Variants in KCNMA1 observed in about 807,000 individuals in gnomAD.
The protein encoded by KCNMA1 is Calcium-activated potassium channel subunit alpha-1.
In KCNMA1, 29 loss-of-function variants were observed where a neutral mutation model predicts 140.0. The observed-to-expected ratio is 0.21, with a 90% CI of 0.15 to 0.28. The LOEUF (loss-of-function observed/expected upper bound fraction) is 0.28. Ranked by LOEUF, KCNMA1 falls within the 10% of genes least tolerant of loss-of-function variation. The pLI, the probability that KCNMA1 is intolerant of heterozygous loss-of-function variation, is 1.00. For synonymous variants in KCNMA1, 612 were observed against 611.9 expected (o/e 1.00, Z 0.00); for missense variants, 880 against 1,602.2 (o/e 0.55, Z 7.70).
intron 19 of KCNMA1, among the ~76,000 whole-genome samples, chr10:76,994,723 T>G (rs946225119): frequency 1.3e-5 from 2 of 152,240 alleles, no homozygotes; most frequent in Admixed American, 6.5e-5. Flanking sequence ...TTGGCTGCTC[T>G]GTGCTTGCAG....
Position 77,108,683 on chromosome 10 carries a change from G to A in KCNMA1, c.1132-111C>T, listed in dbSNP as rs968746729. 5 of 805,638 alleles carry A rather than the reference G, an allele frequency of 6.2e-6. No homozygotes were observed. The African/African-American group carries it at 8.4e-5, about 14-fold the overall frequency. 49.9% of individuals were successfully genotyped at this position (805,638 alleles called of 1,614,324 possible). On this transcript the variant is annotated intron_variant, in intron 8 of 27. Coordinates refer to ENST00000286628, the MANE Select transcript of KCNMA1 (RefSeq NM_001161352.2). This position sits in a 1 kb window ranked among gnomAD's most constrained non-coding sequence, Gnocchi z 4.6. ...CTGAAAACACAAAAGGATTAGGCCT[G>A]CAAAGGTATATATTGATATGTTGGA... is the stretch of plus-strand genomic sequence containing the variant.
At chr10:77,259,833 C>T (rs777614506) in intron 2 of KCNMA1, among the ~76,000 whole-genome samples, 82 of 152,334 alleles carry the variant, frequency 5.4e-4, no homozygotes, top group Non-Finnish European at 9.0e-4. Flanking sequence ...AATTGCTCTC[C>T]TCTTTCCTTT....
chr10:77,411,002 T>G (rs771064829), intron 1 of KCNMA1, among the ~76,000 whole-genome samples: 72 of 152,206 alleles, frequency 4.7e-4, no homozygotes, highest in Non-Finnish European at 3.2e-4. Flanking sequence ...TGTTTCTTTT[T>G]GTTTTGTTTG....
At chr10:76,980,386 T>C (rs2153227971) in intron 19 of KCNMA1, 1 of 152,292 alleles carries the variant, frequency 6.6e-6, no homozygotes, top group South Asian at 2.1e-4. Flanking sequence ...TACCTCAATG[T>C]CCTACGATCT....
At chr10:77,401,258 G>A (rs1195936504) in intron 2 of KCNMA1, among the ~76,000 whole-genome samples, 10 of 151,846 alleles carry the variant, frequency 6.6e-5, no homozygotes, top group Non-Finnish European at 1.5e-4. Flanking sequence ...CTGGGTCCGT[G>A]CCATTATCCT....
At chr10:77,255,137 T>C (rs570320083) in intron 2 of KCNMA1, among the ~76,000 whole-genome samples, 309 of 152,318 alleles carry the variant, frequency 2.0e-3, no homozygotes, top group Non-Finnish European at 3.0e-3. Flanking sequence ...AACACCCATA[T>C]ACTGTGTGGA....
intron 8 of KCNMA1, among the ~76,000 whole-genome samples, chr10:77,109,189 G>C (rs1377018225): frequency 6.6e-6 from 1 of 152,074 alleles, no homozygotes; most frequent in African/African-American, 2.4e-5. Flanking sequence ...TGGCTGGATG[G>C]GTCTTTTTAT....
At chr10:77,479,835 G>A (rs2098352490) in intron 1 of KCNMA1, among the ~76,000 whole-genome samples, 1 of 152,212 alleles carries the variant, frequency 6.6e-6, no homozygotes, top group Non-Finnish European at 1.5e-5. Flanking sequence ...GCTAGGACAA[G>A]TTGTTTAACC....
At chr10:76,989,879 T>C (rs79917452) in intron 19 of KCNMA1, among the ~76,000 whole-genome samples, 9 of 152,082 alleles carry the variant, frequency 5.9e-5, no homozygotes, top group Non-Finnish European at 1.2e-4. Flanking sequence ...CTATGGGAGA[T>C]GGCAAGCTTC....
At chr10:77,218,511 C>T (rs978566490) in intron 3 of KCNMA1, among the ~76,000 whole-genome samples, 1 of 152,112 alleles carries the variant, frequency 6.6e-6, no homozygotes, top group Non-Finnish European at 1.5e-5. Flanking sequence ...TCCAGCCTGG[C>T]TCCTGCAGGC....
chr10:77,191,034 T>C (rs1011108054), intron 3 of KCNMA1, among the ~76,000 whole-genome samples: 2 of 152,174 alleles, frequency 1.3e-5, no homozygotes, highest in South Asian at 4.1e-4. Context: ...ATAAAAAAGA[T>C]GATATCATAT....
intron 1 of KCNMA1, among the ~76,000 whole-genome samples, chr10:77,437,044 G>A (rs951815589): frequency 1.6e-4 from 24 of 151,714 alleles, no homozygotes; most frequent in African/African-American, 5.3e-4. Flanking sequence ...AAGAGAGCCT[G>A]GAGCCATAAG....
intron 14 of KCNMA1, among the ~76,000 whole-genome samples, chr10:77,063,394 G>A (rs766635232): frequency 1.8e-4 from 27 of 151,842 alleles, no homozygotes; most frequent in African/African-American, 5.6e-4. Flanking sequence ...GCAGTGAGCC[G>A]AGACTGCACC....
At chr10:77,182,073 G>A (rs144320504) in intron 5 of KCNMA1, among the ~76,000 whole-genome samples, 2 of 152,204 alleles carry the variant, frequency 1.3e-5, no homozygotes, top group East Asian at 1.9e-4. Context: ...GATTGCTAGC[G>A]GAAGCCTATC....
intron 25 of KCNMA1, chr10:76,901,155 G>T (rs1352370226): frequency 6.6e-6 from 1 of 151,922 alleles, no homozygotes; most frequent in Non-Finnish European, 1.5e-5. Context: ...TAACTGAAAA[G>T]GGAAAAAATA....
chr10:77,221,058 A>G (rs1335490444), intron 3 of KCNMA1, among the ~76,000 whole-genome samples: 1 of 152,236 alleles, frequency 6.6e-6, no homozygotes, highest in Non-Finnish European at 1.5e-5. Context: ...TTTTAACCTG[A>G]AAAGAAACTG....
At chr10:77,139,688 C>T (rs2098124622) in intron 5 of KCNMA1, among the ~76,000 whole-genome samples, 1 of 152,184 alleles carries the variant, frequency 6.6e-6, no homozygotes, top group African/African-American at 2.4e-5. Context: ...TACATTTAAT[C>T]TATTTGTTTT....
At chr10:76,893,555 C>G (rs1056095877) in intron 25 of KCNMA1, among the ~76,000 whole-genome samples, 1 of 151,944 alleles carries the variant, frequency 6.6e-6, no homozygotes, top group Non-Finnish European at 1.5e-5. Flanking sequence ...GGCTGGCCAA[C>G]GTGGTGAATC....
intron 14 of KCNMA1, among the ~76,000 whole-genome samples, chr10:77,061,532 G>T (rs2095750664): frequency 6.6e-6 from 1 of 152,184 alleles, no homozygotes; most frequent in African/African-American, 2.4e-5. Flanking sequence ...CGGAGCTACA[G>T]AAACTCCTGC....
Sources: allele counts gnomAD v4.1 joint callset (sites outside exome capture counted in the v4.1 genomes callset), GRCh38; gene constraint gnomAD v4.1.1; non-coding constraint Gnocchi (gnomAD v3.1); transcripts MANE v1.5; gene names NCBI Gene and HGNC (gene_info 2026-07-23, HGNC 2026-07-21).